CHRM5: variants seen among roughly 807,000 people sequenced by gnomAD.
CHRM5 encodes the protein cholinergic receptor muscarinic 5, also known as muscarinic acetylcholine receptor M5.
CHRM5 carries 18 observed loss-of-function variants against 39.0 expected under a neutral mutation model. The observed-to-expected ratio is 0.46, with a 90% confidence interval of 0.32 to 0.68. The LOEUF (loss-of-function observed/expected upper bound fraction) is 0.68, where lower values mean the gene tolerates loss of function less well. Among genes scored for constraint, CHRM5 ranks in the 30% least tolerant of loss-of-function variants. The pLI is 0.04. For missense variants in CHRM5, 515 were observed against 651.1 expected, an observed-to-expected ratio of 0.79 and a Z score of 2.28; for synonymous variants, 241 against 246.3, an observed-to-expected ratio of 0.98 and a Z score of 0.20.
chr15:33,970,639 T>C (rs2140493877), intron 1 of CHRM5, among the ~76,000 whole-genome samples: 1 of 152,010 alleles, frequency 6.6e-6, no homozygotes, highest in Admixed American at 6.5e-5. Context: ...AAATGAAGAA[T>C]ATTAATCAAT....
intron 1 of CHRM5, among the ~76,000 whole-genome samples, chr15:33,992,343 T>C (rs1314895871): frequency 6.6e-6 from 1 of 152,012 alleles, no homozygotes; most frequent in Non-Finnish European, 1.5e-5. Flanking sequence ...TGAGCCGAGA[T>C]TGCGCCACTG....
intron 1 of CHRM5, among the ~76,000 whole-genome samples, chr15:33,994,913 T>A (rs943228859): frequency 2.6e-5 from 4 of 152,116 alleles, no homozygotes; most frequent in Non-Finnish European, 1.5e-5. Context: ...CAGGCAACCA[T>A]CCACATTGGT....
chr15:34,020,803 T>G (rs1246715605), intron 1 of CHRM5, among the ~76,000 whole-genome samples: 1 of 152,260 alleles, frequency 6.6e-6, no homozygotes, highest in Non-Finnish European at 1.5e-5. Flanking sequence ...ACTTTTTACT[T>G]GTTTTTATAA....
intron 1 of CHRM5, among the ~76,000 whole-genome samples, chr15:34,017,497 T>TTTTTTTTTTTTTG (rs1555516619): frequency 6.7e-5 from 9 of 133,358 alleles, no homozygotes; most frequent in Non-Finnish European, 1.2e-4. Context: ...TTTTTTTTTT[T>TTTTTTTTTTTTTG]TTTGAGACAG....
Position 33,969,035 on chromosome 15 carries a change from A to C in CHRM5, c.-523A>C, listed in dbSNP as rs575095877. On this transcript the variant is annotated 5_prime_UTR_variant, in exon 1 of 3. Transcript: ENST00000383263. ...TACAGATATAAAGACACTGCAAGAA[A>C]TAAAACACTGGCAAAATAAAACATG... is the stretch of plus-strand genomic sequence containing the variant. 9 of 152,260 alleles carry C rather than the reference A, an allele frequency of 5.9e-5. No individual in the cohort carries two copies. Among genetic ancestry groups the C allele is most frequent in the Admixed American group, 5.2e-4 (8 of 15,286 alleles). The allele number at this position is 152,260 out of a possible 1,614,324, so 9.4% of individuals were successfully genotyped here.
intron 1 of CHRM5, among the ~76,000 whole-genome samples, chr15:34,024,169 G>A (rs764818134): frequency 1.6e-4 from 25 of 152,090 alleles, no homozygotes; most frequent in Non-Finnish European, 2.4e-4. Context: ...TTGGATTATA[G>A]CAGTGAACAA....
chr15:34,008,894 T>G (rs566689775), intron 1 of CHRM5, among the ~76,000 whole-genome samples: 74 of 151,490 alleles, frequency 4.9e-4, no homozygotes, highest in African/African-American at 1.7e-3. Flanking sequence ...ACAAGGATTC[T>G]GCAGACCCAC....
intron 2 of CHRM5, among the ~76,000 whole-genome samples, chr15:34,060,185 C>G (rs549410225): frequency 5.3e-5 from 8 of 152,198 alleles, no homozygotes; most frequent in African/African-American, 1.9e-4. Context: ...GCTTCAACAA[C>G]TTGAAGAATG....
chr15:34,012,389 C>A (rs971290289), intron 1 of CHRM5, among the ~76,000 whole-genome samples: 1 of 152,124 alleles, frequency 6.6e-6, no homozygotes, highest in Non-Finnish European at 1.5e-5. Flanking sequence ...TATATAAATA[C>A]CCTGAGCATT....
intron 1 of CHRM5, among the ~76,000 whole-genome samples, chr15:33,982,798 T>TTC (rs58340239): frequency 1.2e-4 from 18 of 150,458 alleles, no homozygotes; most frequent in African/African-American, 2.2e-4. Context: ...ATCAACCACA[T>TTC]TCTCTCTCTC....
chr15:34,038,903 G>A (rs1464260037), intron 1 of CHRM5: 29 of 1,124,878 alleles, frequency 2.6e-5, no homozygotes, highest in Non-Finnish European at 3.0e-5. Context: ...CCCGGCGTCC[G>A]CCTCCGTCCC....
At chr15:34,033,324 G>A (rs1021803945) in intron 1 of CHRM5, among the ~76,000 whole-genome samples, 14 of 152,042 alleles carry the variant, frequency 9.2e-5, no homozygotes, top group South Asian at 2.1e-4. Context: ...TGAGCAACAC[G>A]GTGAAATCCC....
At position 34,046,679 on chromosome 15, in the gene CHRM5, G is replaced by C. The variant is rs1899696988; in HGVS notation, c.-268G>C. 1 of 152,230 alleles carries C rather than the reference G, an allele frequency of 6.6e-6. No individual in the cohort carries two copies. The highest frequency in any genetic ancestry group is 2.4e-5 in the African/African-American group (1 of 41,462). The allele number at this position is 152,230 out of a possible 1,614,324, so 9.4% of individuals were successfully genotyped here. ...GGCGGATTAGAAGCAGCGGCAGCCC[G>C]CAGCTCTCATGCAAAGGAATGAAAG... On this transcript the variant is annotated 5_prime_UTR_variant, in exon 2 of 3. Coordinates refer to ENST00000383263, the MANE Select transcript of CHRM5 (RefSeq NM_012125.4).
chr15:33,997,870 A>T (rs1332997267), intron 1 of CHRM5, among the ~76,000 whole-genome samples: 1 of 152,188 alleles, frequency 6.6e-6, no homozygotes, highest in Admixed American at 6.5e-5. Flanking sequence ...GTCAGGGAAA[A>T]GTATACCTGT....
intron 1 of CHRM5, among the ~76,000 whole-genome samples, chr15:34,033,225 G>C (rs904082312): frequency 1.3e-5 from 2 of 152,162 alleles, no homozygotes; most frequent in African/African-American, 4.8e-5. Context: ...TAACTGCAAG[G>C]CTGGGCGCGG....
intron 1 of CHRM5, among the ~76,000 whole-genome samples, chr15:33,978,048 C>T (rs549921912): frequency 1.3e-5 from 2 of 149,472 alleles, no homozygotes; most frequent in Non-Finnish European, 1.5e-5. Flanking sequence ...GAGGAGGAAG[C>T]GAGAGAGGTA....
intron 1 of CHRM5, among the ~76,000 whole-genome samples, chr15:33,976,492 C>T (rs1224385591): frequency 2.0e-5 from 3 of 152,034 alleles, no homozygotes; most frequent in South Asian, 2.1e-4. Context: ...CTGCCATGCC[C>T]GCATCAGATT....
intron 1 of CHRM5, among the ~76,000 whole-genome samples, chr15:34,015,763 C>T (rs1003229979): frequency 6.6e-6 from 1 of 152,210 alleles, no homozygotes; most frequent in African/African-American, 2.4e-5. Flanking sequence ...CACGGATCTT[C>T]ACTCCATCCC....
intron 1 of CHRM5, chr15:34,003,012 C>G (rs750903481): frequency 1.3e-6 from 2 of 1,598,012 alleles, no homozygotes; most frequent in African/African-American, 2.7e-5. Context: ...AAACAGTATG[C>G]ATGCAACTGG....
Sources: allele counts gnomAD v4.1 joint callset (sites outside exome capture counted in the v4.1 genomes callset), GRCh38; gene constraint gnomAD v4.1.1; transcripts MANE v1.5; gene names NCBI Gene and HGNC (gene_info 2026-07-23, HGNC 2026-07-21).